The following NCAM1 variants were observed in gnomAD, a reference collection of about 807,000 sequenced individuals.
NCAM1 encodes the protein neural cell adhesion molecule 1.
In NCAM1, 14 loss-of-function variants were observed where a neutral mutation model predicts 109.8. That is an observed-to-expected ratio of 0.13 (90% CI 0.08 to 0.20). The LOEUF is 0.20. Among genes scored for constraint, NCAM1 ranks in the 10% least tolerant of loss-of-function variants. The pLI is 1.00. For missense variants in NCAM1, 774 were observed against 1,109.9 expected (o/e 0.70, Z 4.30); for synonymous variants, 418 against 442.9 (o/e 0.94, Z 0.70).
chr11:113,256,986 TTAAC>T (rs1228557901), intron 16 of NCAM1, among the ~76,000 whole-genome samples: 2 of 152,232 alleles, frequency 1.3e-5, no homozygotes, highest in Non-Finnish European at 2.9e-5. Context: ...TGATAGGTCT[TTAAC>T]TAGCTAGTCT....
At chr11:113,244,543 T>C (rs181158743) in intron 14 of NCAM1, among the ~76,000 whole-genome samples, 2 of 152,338 alleles carry the variant, frequency 1.3e-5, no homozygotes, top group African/African-American at 4.8e-5. Flanking sequence ...CACATGTGAA[T>C]TGCAGTGGAA....
Position 113,231,630 on chromosome 11 carries a change from C to G in NCAM1, c.1090-15C>G. 1 of 1,612,094 alleles carries G rather than the reference C, an allele frequency of 6.2e-7. No individual in the cohort carries two copies. The highest frequency in any genetic ancestry group is 8.5e-7 in the Non-Finnish European group (1 of 1,178,720). The stretch of plus-strand genomic sequence containing the variant: ...TTGGGCTCTGACATGCTCCCTTCCC[C>G]CCCACCCCCGGCAGACTCTGGATGG... On this transcript the variant is annotated splice_polypyrimidine_tract_variant and intron_variant, in intron 9 of 19. Transcript: ENST00000316851.
At chr11:113,046,028 T>A (rs1335770155) in intron 1 of NCAM1, among the ~76,000 whole-genome samples, 1 of 152,164 alleles carries the variant, frequency 6.6e-6, no homozygotes, top group African/African-American at 2.4e-5. Flanking sequence ...CTGTTCCCTT[T>A]AACAGCATTT....
chr11:113,158,581 T>A (rs1942496384), intron 1 of NCAM1, among the ~76,000 whole-genome samples: 1 of 152,230 alleles, frequency 6.6e-6, no homozygotes, highest in Non-Finnish European at 1.5e-5. Flanking sequence ...TTGTTGCTCC[T>A]GTAATAAGCC....
chr11:112,990,013 C>T (rs1389380990), intron 1 of NCAM1, among the ~76,000 whole-genome samples: 1 of 152,126 alleles, frequency 6.6e-6, no homozygotes. Context: ...GGGGTTGGAG[C>T]TGGGTCATGT....
intron 1 of NCAM1, among the ~76,000 whole-genome samples, chr11:113,120,436 G>A (rs971075382): frequency 1.3e-5 from 2 of 152,164 alleles, no homozygotes; most frequent in African/African-American, 2.4e-5. Context: ...CCTTAATGAA[G>A]GACCTTTAGC....
At chr11:113,057,951 G>A (rs1488958582) in intron 1 of NCAM1, among the ~76,000 whole-genome samples, 1 of 152,104 alleles carries the variant, frequency 6.6e-6, no homozygotes, top group Admixed American at 6.6e-5. Context: ...GGAGCTATGG[G>A]GGAAGAGTTG....
chr11:113,066,085 T>C (rs1323786386), intron 1 of NCAM1, among the ~76,000 whole-genome samples: 3 of 152,198 alleles, frequency 2.0e-5, no homozygotes, highest in Admixed American at 2.0e-4. Flanking sequence ...ATCTGTCTAA[T>C]TTATCCTGTG....
intron 1 of NCAM1, among the ~76,000 whole-genome samples, chr11:113,147,930 G>A (rs1942075814): frequency 6.6e-6 from 1 of 152,134 alleles, no homozygotes; most frequent in Admixed American, 6.5e-5. Context: ...TGCAAAATGG[G>A]AATAATACAA....
chr11:113,166,666 T>C (rs1188061947), intron 1 of NCAM1, among the ~76,000 whole-genome samples: 1 of 152,102 alleles, frequency 6.6e-6, no homozygotes, highest in Non-Finnish European at 1.5e-5. Context: ...TGTTAGATCA[T>C]GGGGAAGCCT....
intron 1 of NCAM1, among the ~76,000 whole-genome samples, chr11:113,157,028 A>G (rs1942433267): frequency 6.6e-6 from 1 of 152,112 alleles, no homozygotes; most frequent in African/African-American, 2.4e-5. Context: ...ATGTTGTTCC[A>G]GCATAATTAT....
intron 1 of NCAM1, among the ~76,000 whole-genome samples, chr11:113,153,446 CAGAG>C (rs10577837): frequency 0.054 from 7,864 of 145,162 alleles, 535 homozygotes; most frequent in African/African-American, 0.16. Flanking sequence ...GGCACAGAGA[CAGAG>C]AGTGAGAGAG....
At chr11:113,122,988 T>C (rs1457404496) in intron 1 of NCAM1, among the ~76,000 whole-genome samples, 1 of 152,166 alleles carries the variant, frequency 6.6e-6, no homozygotes, top group Non-Finnish European at 1.5e-5. Flanking sequence ...CTCACTCATA[T>C]GTGGGAGCTA....
chr11:113,234,859 A>G (rs1428605890), intron 13 of NCAM1, among the ~76,000 whole-genome samples, 174 bp from the exon 14 acceptor site: 1 of 152,256 alleles, frequency 6.6e-6, no homozygotes, highest in Non-Finnish European at 1.5e-5. Context: ...ACAGCCAGGT[A>G]TCTGTATCTG....
At chr11:113,158,536 C>T (rs1555103831) in intron 1 of NCAM1, among the ~76,000 whole-genome samples, 1 of 152,200 alleles carries the variant, frequency 6.6e-6, no homozygotes, top group African/African-American at 2.4e-5. Flanking sequence ...CATGCTCCCA[C>T]CTTTCTCTTC....
chr11:113,169,169 A>T (rs1042897304), intron 1 of NCAM1, among the ~76,000 whole-genome samples: 1 of 152,106 alleles, frequency 6.6e-6, no homozygotes, highest in East Asian at 1.9e-4. Context: ...CCTAGCTGAT[A>T]GCAACCATAT....
At chr11:113,118,741 T>A (rs1427282508) in intron 1 of NCAM1, among the ~76,000 whole-genome samples, 2 of 102,536 alleles carry the variant, frequency 2.0e-5, no homozygotes, top group African/African-American at 7.9e-5. Flanking sequence ...CAAACGAATC[T>A]ATACAGAAAA....
chr11:113,043,303 C>T (rs1289667380), intron 1 of NCAM1, among the ~76,000 whole-genome samples: 1 of 152,144 alleles, frequency 6.6e-6, no homozygotes, highest in Non-Finnish European at 1.5e-5. Context: ...GTCCCCTCTC[C>T]TGTGTCCCTA....
At chr11:113,122,962 A>G (rs1376494122) in intron 1 of NCAM1, among the ~76,000 whole-genome samples, 1 of 152,168 alleles carries the variant, frequency 6.6e-6, no homozygotes, top group East Asian at 1.9e-4. Flanking sequence ...GGACAGAAAG[A>G]CAAATATTGT....
Sources: gnomAD v4.1 joint callset for allele counts (sites outside exome capture counted in the v4.1 genomes callset) on GRCh38, gnomAD v4.1.1 for gene constraint, MANE v1.5 for transcripts, NCBI Gene and HGNC (gene_info 2026-07-23, HGNC 2026-07-21) for gene names.